Variants in CSMD3 observed in about 807,000 individuals in gnomAD.
The protein encoded by CSMD3 is CUB and sushi domain-containing protein 3.
CSMD3 carries 177 observed loss-of-function variants against 435.2 expected under a neutral mutation model. That is an observed-to-expected ratio of 0.41 (90% CI 0.36 to 0.46). CSMD3 has a LOEUF of 0.46. Ranked by LOEUF, CSMD3 falls within the 20% of genes least tolerant of loss-of-function variation. The pLI is 0.34. For missense variants in CSMD3, 4,265 were observed against 4,504.6 expected, an observed-to-expected ratio of 0.95 and a Z score of 1.52; for synonymous variants, 1,656 against 1,520.5, an observed-to-expected ratio of 1.09 and a Z score of -2.07.
chr8:112,291,763 T>C, intron 55 of CSMD3, 68 bp from the exon 56 acceptor site: 1 of 1,010,254 alleles, frequency 9.9e-7, no homozygotes, highest in Non-Finnish European at 1.5e-6. Flanking sequence ...AGATTTATAT[T>C]AGAAATGTAC....
chr8:113,384,676 G>A (rs2094431959), intron 1 of CSMD3, among the ~76,000 whole-genome samples: 3 of 152,150 alleles, frequency 2.0e-5, no homozygotes, highest in African/African-American at 7.2e-5. Flanking sequence ...GTTTTGAAAA[G>A]TGCTACAAGA....
chr8:112,799,701 A>G (rs756784801), intron 13 of CSMD3, among the ~76,000 whole-genome samples: 14 of 151,986 alleles, frequency 9.2e-5, no homozygotes, highest in Non-Finnish European at 1.6e-4. Flanking sequence ...GGGATGGGCA[A>G]AAGCAATTTC....
At chr8:112,608,639 A>G (rs1832984496) in intron 22 of CSMD3, among the ~76,000 whole-genome samples, 1 of 151,974 alleles carries the variant, frequency 6.6e-6, no homozygotes, top group South Asian at 2.1e-4. Context: ...TATATAATTT[A>G]TATATGTATA....
chr8:113,254,104 C>T (rs535212637), intron 3 of CSMD3, among the ~76,000 whole-genome samples: 6 of 152,234 alleles, frequency 3.9e-5, no homozygotes, highest in Admixed American at 1.3e-4. Flanking sequence ...TAGTATCCTC[C>T]GTCTGATCTG....
chr8:113,167,857 T>C (rs1484813549), intron 4 of CSMD3, among the ~76,000 whole-genome samples: 2 of 152,338 alleles, frequency 1.3e-5, no homozygotes, highest in East Asian at 1.9e-4. Flanking sequence ...TAGATCTCTA[T>C]GTGAAATGAC....
intron 38 of CSMD3, among the ~76,000 whole-genome samples, chr8:112,360,972 A>C (rs1324516428): frequency 6.6e-6 from 1 of 152,038 alleles, no homozygotes; most frequent in Non-Finnish European, 1.5e-5. Flanking sequence ...TACACAAATA[A>C]ATCTCCAAGT....
At chr8:112,598,069 A>AGTCAAATT (rs1336940225) in intron 22 of CSMD3, among the ~76,000 whole-genome samples, 3 of 149,818 alleles carry the variant, frequency 2.0e-5, no homozygotes, top group Admixed American at 1.3e-4. Context: ...GAAAACAGGA[A>AGTCAAATT]GTCAAATTGT....
intron 5 of CSMD3, among the ~76,000 whole-genome samples, chr8:113,025,645 G>A (rs1211454549): frequency 2.0e-5 from 3 of 152,144 alleles, no homozygotes; most frequent in Admixed American, 6.5e-5. Context: ...ACATACATGA[G>A]TTGACTGGTT....
chr8:113,229,352 A>G (rs1037804687), intron 3 of CSMD3, among the ~76,000 whole-genome samples: 1 of 151,602 alleles, frequency 6.6e-6, no homozygotes, highest in Non-Finnish European at 1.5e-5. Context: ...ATATATTGTG[A>G]ATTGTGGTTC....
At chr8:112,392,512 T>C (rs575943963) in intron 35 of CSMD3, among the ~76,000 whole-genome samples, 5 of 152,036 alleles carry the variant, frequency 3.3e-5, no homozygotes, top group African/African-American at 1.2e-4. Flanking sequence ...GAGAATGACA[T>C]GCAAAAGACA....
intron 38 of CSMD3, among the ~76,000 whole-genome samples, chr8:112,375,339 G>A (rs1224932426): frequency 6.6e-6 from 1 of 152,048 alleles, no homozygotes; most frequent in East Asian, 1.9e-4. Flanking sequence ...CCTTCACATA[G>A]GCACTCAACA....
intron 1 of CSMD3, among the ~76,000 whole-genome samples, chr8:113,368,200 T>C (rs2094325174): frequency 6.6e-6 from 1 of 152,264 alleles, no homozygotes; most frequent in South Asian, 2.1e-4. Context: ...CTTTCCCCTT[T>C]TGACTAATAC....
chr8:112,649,564 T>C (rs991643099), intron 19 of CSMD3, among the ~76,000 whole-genome samples: 5 of 152,178 alleles, frequency 3.3e-5, no homozygotes, highest in African/African-American at 1.2e-4. Flanking sequence ...TTCCCAATCT[T>C]AGGAGAAGCA....
At chr8:112,254,782 T>A (rs1429198936) in intron 62 of CSMD3, among the ~76,000 whole-genome samples, 2 of 152,094 alleles carry the variant, frequency 1.3e-5, no homozygotes, top group African/African-American at 4.8e-5. Flanking sequence ...TCAGGCATAA[T>A]AATGGTAGGT....
intron 19 of CSMD3, 31 bp from the exon 20 acceptor site, chr8:112,645,256 C>T: frequency 8.6e-7 from 1 of 1,157,524 alleles, no homozygotes; most frequent in South Asian, 1.2e-5. Context: ...TCCATGTGAT[C>T]AGCAGTGAGA....
chr8:113,107,923 T>G (rs577384527), intron 4 of CSMD3, among the ~76,000 whole-genome samples: 1 of 152,326 alleles, frequency 6.6e-6, no homozygotes, highest in East Asian at 1.9e-4. Context: ...CCAAGTGAAT[T>G]TATTGAATTA....
intron 3 of CSMD3, among the ~76,000 whole-genome samples, chr8:113,275,784 G>T (rs539427083): frequency 6.6e-6 from 1 of 152,106 alleles, no homozygotes; most frequent in African/African-American, 2.4e-5. Flanking sequence ...AAAATCGCTA[G>T]AAGCCTGGGG....
intron 32 of CSMD3, among the ~76,000 whole-genome samples, chr8:112,419,598 G>T (rs374317348): frequency 2.0e-5 from 3 of 152,106 alleles, no homozygotes; most frequent in African/African-American, 7.2e-5. Context: ...AACTAGGTTT[G>T]CTGACTAAAT....
At chr8:112,443,600 TG>T (rs551671379) in intron 32 of CSMD3, among the ~76,000 whole-genome samples, 4 of 152,126 alleles carry the variant, frequency 2.6e-5, no homozygotes, top group Non-Finnish European at 5.9e-5. Flanking sequence ...TATGTTTTTT[TG>T]GTTCATTTGT....
Sources: gnomAD v4.1 joint callset for allele counts (sites outside exome capture counted in the v4.1 genomes callset) on GRCh38, gnomAD v4.1.1 for gene constraint, MANE v1.5 for transcripts, NCBI Gene and HGNC (gene_info 2026-07-23, HGNC 2026-07-21) for gene names.